SLIT1: variants seen among roughly 807,000 people sequenced by gnomAD.
SLIT1 encodes slit guidance ligand 1.
SLIT1 carries 66 observed loss-of-function variants against 186.1 expected under a neutral mutation model. The observed-to-expected ratio is 0.35, with a 90% confidence interval of 0.29 to 0.44. The LOEUF is 0.44. Ranked by LOEUF, SLIT1 falls within the 20% of genes least tolerant of loss-of-function variation. The pLI, the probability that SLIT1 is intolerant of heterozygous loss-of-function variation, is 1.00. For synonymous variants in SLIT1, 761 were observed against 833.8 expected (o/e 0.91, Z 1.50); for missense variants, 1,638 against 2,037.4 (o/e 0.80, Z 3.77).
In SLIT1 at chr10:97,004,034, A is replaced by G. The variant is rs1277635038; in HGVS notation, c.3865+34T>C. 14 of 1,578,736 alleles carry G rather than the reference A, an allele frequency of 8.9e-6. No individual in the cohort carries two copies. Among genetic ancestry groups the G allele is most frequent in the Non-Finnish European group, 1.1e-5 (13 of 1,154,510 alleles). On this transcript the variant is annotated intron_variant, in intron 34 of 36. Coordinates refer to ENST00000266058, the MANE Select transcript of SLIT1 (RefSeq NM_003061.3). The surrounding 1 kb of genome is among the most constrained non-coding windows in gnomAD (Gnocchi z 5.1). ...TCTCCTGGCTGGCCTCAGGCCAGACAGCAAAAGAGGCCCCGCCAGGGCCAG... is the reference window on the plus strand; with the variant it reads ...TCTCCTGGCTGGCCTCAGGCCAGACGGCAAAAGAGGCCCCGCCAGGGCCAG...
intron 14 of SLIT1, 83 bp downstream of exon 14, chr10:97,048,872 T>C (rs1848760976): frequency 1.4e-5 from 17 of 1,252,330 alleles, no homozygotes; most frequent in Admixed American, 1.8e-5. Context: ...GGTGGGCAGG[T>C]ATGCAGGTGG....
chr10:97,104,756 C>T (rs578188425), intron 4 of SLIT1, among the ~76,000 whole-genome samples: 81 of 152,278 alleles, frequency 5.3e-4, no homozygotes, highest in African/African-American at 1.8e-3. Context: ...TCAGCACCTC[C>T]TGAAGTCCTA....
rs763511806 is a variant in SLIT1, at chr10:97,049,133, C to T, written c.1302-15G>A. On this transcript the variant is annotated splice_polypyrimidine_tract_variant and intron_variant, in intron 13 of 36. Transcript: ENST00000266058. ...GCGCCAGGTGCCTGTCCAAAGCAGG[C>T]AGATCAGCTATGAGAAACAAGGGCT... The T allele has an allele frequency of 6.2e-7, 1 of 1,609,822 alleles. No homozygotes were observed. The highest frequency in any genetic ancestry group is 1.1e-5 in the South Asian group (1 of 90,770).
At chr10:97,135,676 T>C (rs1487765102) in intron 4 of SLIT1, among the ~76,000 whole-genome samples, 1 of 152,156 alleles carries the variant, frequency 6.6e-6, no homozygotes, top group Non-Finnish European at 1.5e-5. Context: ...GCACTCTGAC[T>C]GGATGCTGTA....
At chr10:97,166,603 G>GA (rs1850118363) in intron 1 of SLIT1, among the ~76,000 whole-genome samples, 3 of 68,336 alleles carry the variant, frequency 4.4e-5, no homozygotes, top group Non-Finnish European at 8.9e-5. Flanking sequence ...AAGAAAGAAA[G>GA]AAAGAAAGAA....
At position 97,021,349 on chromosome 10, in the gene SLIT1, T is replaced by G. The variant is rs1440278892; in HGVS notation, c.2647A>C (p.Thr883Pro). The change falls in exon 26 of 37, where the codon ACT (threonine) becomes CCT (proline). Residue 883 changes from threonine to proline, a missense_variant. This residue lies in a region of SLIT1 where 1,245 missense variants were observed against 1,535.3 expected (regional missense o/e 0.81). Coordinates refer to ENST00000266058, the MANE Select transcript of SLIT1 (RefSeq NM_003061.3). The surrounding 1 kb of genome is among the most constrained non-coding windows in gnomAD (Gnocchi z 4.5). ...HLRWLSSWVK[T>P]GYKEPGIARC... ...GCAATGCCCGGTTCCTTGTAGCCAG[T>G]CTTCACCCAGCTGGACAGCCAGCGG... 4 of 1,614,086 alleles carry G rather than the reference T, an allele frequency of 2.5e-6. No homozygotes were observed. In the South Asian group the frequency reaches 4.4e-5, roughly 18 times the overall value.
intron 22 of SLIT1, among the ~76,000 whole-genome samples, chr10:97,036,273 G>C (rs1333019497): frequency 6.6e-6 from 1 of 152,190 alleles, no homozygotes; most frequent in Non-Finnish European, 1.5e-5. Context: ...CCTGTGATGA[G>C]GAGGTGGTGG....
intron 4 of SLIT1, among the ~76,000 whole-genome samples, chr10:97,066,887 G>A (rs1199719098): frequency 6.6e-6 from 1 of 152,202 alleles, no homozygotes; most frequent in African/African-American, 2.4e-5. Flanking sequence ...TACAACAGAG[G>A]TGCTTCTGGA....
chr10:97,029,444 A>G (rs568295245), intron 25 of SLIT1, among the ~76,000 whole-genome samples: 10 of 152,282 alleles, frequency 6.6e-5, no homozygotes, highest in Admixed American at 2.0e-4. Flanking sequence ...AAAAGGAGAC[A>G]GTTGCACCTG....
intron 4 of SLIT1, among the ~76,000 whole-genome samples, chr10:97,091,974 T>TGGCAGAAAGGAAGGTTTTCGGCTA (rs1849237160): frequency 6.6e-6 from 1 of 152,256 alleles, no homozygotes; most frequent in Non-Finnish European, 1.5e-5. Context: ...AGGGCAACCT[T>TGGCAGAAAGGAAGGTTTTCGGCTA]GGCAGAAAGG....
chr10:97,129,532 C>A lies in SLIT1; in HGVS notation c.413+28286G>T, dbSNP rs527952941. ...TGTTACTAGACGTGGACTGTTGCAG[C>A]TAGAGCATCTAGCGCAACTCCTTAT... On this transcript the variant is annotated intron_variant, in intron 4 of 36. Transcript: ENST00000266058. Among the ~76,000 whole-genome samples the A allele has an allele frequency of 2.0e-5, 3 of 152,320 alleles. No individual in the cohort carries two copies. The East Asian group carries it at 5.8e-4, about 29-fold the overall frequency.
intron 20 of SLIT1, 152 bp from the exon 21 acceptor site, chr10:97,040,272 G>A (rs938350980): frequency 1.1e-5 from 8 of 736,380 alleles, no homozygotes; most frequent in Middle Eastern, 4.1e-4. Flanking sequence ...ACACCTCCCC[G>A]CCAGCCACCA....
chr10:97,139,574 G>A (rs1220766112), intron 4 of SLIT1, among the ~76,000 whole-genome samples: 1 of 152,152 alleles, frequency 6.6e-6, no homozygotes, highest in Non-Finnish European at 1.5e-5. Context: ...ACACTATCCT[G>A]AACTCTGGGA....
chr10:97,180,149 T>G (rs1850315445), intron 1 of SLIT1, among the ~76,000 whole-genome samples: 1 of 152,218 alleles, frequency 6.6e-6, no homozygotes, highest in East Asian at 1.9e-4. Flanking sequence ...AGCGGCTGCC[T>G]GATGGCGAAG....
At chr10:97,056,233 G>A in intron 13 of SLIT1, 88 bp downstream of exon 13, 1 of 1,461,952 alleles carries the variant, frequency 6.8e-7, no homozygotes. Flanking sequence ...GCAGCCCAGA[G>A]CCGGAGAGCT....
At chr10:97,096,995 C>T (rs1413029535) in intron 4 of SLIT1, among the ~76,000 whole-genome samples, 2 of 152,154 alleles carry the variant, frequency 1.3e-5, no homozygotes, top group African/African-American at 2.4e-5. Context: ...AGTTCTGTAC[C>T]ATCCAAAGCT....
chr10:97,018,791 C>A, intron 27 of SLIT1, 108 bp from the exon 28 acceptor site: 1 of 710,206 alleles, frequency 1.4e-6, no homozygotes, highest in South Asian at 1.8e-5. Context: ...CCAGGAGTTA[C>A]TTGTTTTCAT....
intron 13 of SLIT1, among the ~76,000 whole-genome samples, chr10:97,050,484 C>T (rs1848777195): frequency 6.6e-6 from 1 of 152,248 alleles, no homozygotes; most frequent in African/African-American, 2.4e-5. Flanking sequence ...TGAGTTCTTG[C>T]TCCTCTCAGC....
chr10:97,020,634 G>A (rs191421268), intron 26 of SLIT1, among the ~76,000 whole-genome samples: 13 of 152,348 alleles, frequency 8.5e-5, no homozygotes, highest in South Asian at 4.1e-4. Context: ...GGCAGGAGCC[G>A]TGCTCCACGG....
Sources: gnomAD v4.1 joint callset for allele counts (sites outside exome capture counted in the v4.1 genomes callset) on GRCh38, gnomAD v4.1.1 for gene constraint, gnomAD v4.1.1 regional missense constraint, Gnocchi (gnomAD v3.1) non-coding constraint, MANE v1.5 for transcripts, NCBI Gene and HGNC (gene_info 2026-07-23, HGNC 2026-07-21) for gene names.